Variants in CERS3 observed in about 807,000 individuals in gnomAD.
CERS3 encodes ceramide synthase 3, also known as LAG1 homolog, ceramide synthase 3.
CERS3 carries 33 observed loss-of-function variants against 50.3 expected under a neutral mutation model. The observed-to-expected ratio is 0.66, with a 90% CI of 0.50 to 0.88. The LOEUF is 0.88. CERS3 is among the 40% of genes least tolerant of loss of function. The pLI is 0.00. For synonymous variants in CERS3, 176 were observed against 155.2 expected (o/e 1.13, Z -0.99); for missense variants, 470 against 460.3 (o/e 1.02, Z -0.19).
At chr15:100,502,426 T>A (rs1484013577) in intron 2 of CERS3, among the ~76,000 whole-genome samples, 1 of 152,190 alleles carries the variant, frequency 6.6e-6, no homozygotes, top group Non-Finnish European at 1.5e-5. Flanking sequence ...CTATTCACAC[T>A]TTTGGCAAAA....
At chr15:100,497,535 A>G (rs2142316928) in intron 3 of CERS3, among the ~76,000 whole-genome samples, 1 of 152,040 alleles carries the variant, frequency 6.6e-6, no homozygotes, top group Non-Finnish European at 1.5e-5. Flanking sequence ...GCTCAGTGCT[A>G]TCTCCTCAAG....
chr15:100,447,120 C>T (rs1242868607), intron 11 of CERS3, among the ~76,000 whole-genome samples: 2 of 152,186 alleles, frequency 1.3e-5, no homozygotes, highest in Non-Finnish European at 2.9e-5. Flanking sequence ...CTGGATCTTT[C>T]CTCTGATCCA....
intron 3 of CERS3, among the ~76,000 whole-genome samples, chr15:100,492,450 A>G (rs2035682202): frequency 6.6e-6 from 1 of 152,180 alleles, no homozygotes; most frequent in Non-Finnish European, 1.5e-5. Context: ...TATTATTATA[A>G]AATGTCCTTT....
chr15:100,533,760 C>G (rs62037088), upstream of CERS3, among the ~76,000 whole-genome samples: 81,931 of 151,702 alleles, frequency 0.54, 22,409 homozygotes, highest in South Asian at 0.65. Flanking sequence ...GGGTTTCACC[C>G]TGTTAGCCAG....
intron 2 of CERS3, among the ~76,000 whole-genome samples, chr15:100,514,013 A>T (rs2036426399): frequency 6.6e-6 from 1 of 152,156 alleles, no homozygotes; most frequent in African/African-American, 2.4e-5. Flanking sequence ...CAATACATAT[A>T]CCACAGCGGT....
chr15:100,480,961 T>C (rs1407402345), intron 5 of CERS3, among the ~76,000 whole-genome samples: 1 of 152,202 alleles, frequency 6.6e-6, no homozygotes, highest in East Asian at 1.9e-4. Flanking sequence ...CTTTCTACTT[T>C]AATATATGCT....
intron 11 of CERS3, among the ~76,000 whole-genome samples, chr15:100,405,225 C>A (rs1380711860): frequency 2.7e-5 from 3 of 110,498 alleles, no homozygotes; most frequent in Non-Finnish European, 3.8e-5. Context: ...ACTCTCAAAA[C>A]TCAATGGTAA....
At chr15:100,452,438 A>G (rs2034206660) in intron 11 of CERS3, among the ~76,000 whole-genome samples, 1 of 152,186 alleles carries the variant, frequency 6.6e-6, no homozygotes, top group Non-Finnish European at 1.5e-5. Flanking sequence ...GAGGGAAATC[A>G]AAACATTTCT....
intron 11 of CERS3, among the ~76,000 whole-genome samples, chr15:100,431,127 C>G (rs1244057708): frequency 6.6e-6 from 1 of 152,158 alleles, no homozygotes; most frequent in African/African-American, 2.4e-5. Flanking sequence ...AGACCACAAA[C>G]CCTCTCTGGA....
At chr15:100,423,997 A>T (rs2032646330) in intron 11 of CERS3, among the ~76,000 whole-genome samples, 2 of 148,110 alleles carry the variant, frequency 1.4e-5, no homozygotes, top group East Asian at 2.0e-4. Context: ...GCTGGAGTGC[A>T]ATGGCACCAT....
Position 100,479,527 on chromosome 15 carries a change from C to A in CERS3, c.466-49G>T. On this transcript the variant is annotated intron_variant, in intron 6 of 11. Coordinates refer to ENST00000679737, the MANE Select transcript of CERS3 (RefSeq NM_001378789.1). ...GCCAACAGATGAGAAATAAATTGGT[C>A]GGTGTCAAAGGTCAATTTTGGCAGA... The A allele has an allele frequency of 2.7e-6, 4 of 1,496,228 alleles. No individual in the cohort carries two copies. The South Asian group carries it at 4.8e-5, about 18-fold the overall frequency. The allele number at this position is 1,496,228 out of a possible 1,614,324, so 92.7% of individuals were successfully genotyped here.
At chr15:100,421,347 A>G (rs2032411172) in intron 11 of CERS3, among the ~76,000 whole-genome samples, 3 of 151,664 alleles carry the variant, frequency 2.0e-5, no homozygotes, top group Non-Finnish European at 4.4e-5. Context: ...CTTCAAAGAG[A>G]ATCAAATACC....
chr15:100,439,737 A>G (rs2033594816), intron 11 of CERS3, among the ~76,000 whole-genome samples: 1 of 152,238 alleles, frequency 6.6e-6, no homozygotes, highest in Non-Finnish European at 1.5e-5. Context: ...CTTTGGAGGA[A>G]TAAGCTGATT....
At chr15:100,449,562 C>A (rs530236288) in intron 11 of CERS3, among the ~76,000 whole-genome samples, 1 of 152,330 alleles carries the variant, frequency 6.6e-6, no homozygotes, top group Non-Finnish European at 1.5e-5. Context: ...TTCCCATCCC[C>A]AGCAAAACCT....
At chr15:100,477,419 T>C (rs2035164928) in intron 7 of CERS3, among the ~76,000 whole-genome samples, 1 of 152,112 alleles carries the variant, frequency 6.6e-6, no homozygotes, top group African/African-American at 2.4e-5. Context: ...GACAGGACTA[T>C]ATGAGACTAA....
chr15:100,530,849 G>A (rs550158200), upstream of CERS3, among the ~76,000 whole-genome samples: 5 of 152,272 alleles, frequency 3.3e-5, no homozygotes, highest in South Asian at 2.1e-4. Context: ...TTGGGAGGCC[G>A]AGGTGGGAGG....
At chr15:100,502,322 G>C (rs1250759985) in intron 2 of CERS3, among the ~76,000 whole-genome samples, 2 of 150,106 alleles carry the variant, frequency 1.3e-5, no homozygotes, top group African/African-American at 2.4e-5. Flanking sequence ...ATTATTTAAT[G>C]GATTATATGA....
chr15:100,442,504 A>G (rs1182612235), intron 11 of CERS3, among the ~76,000 whole-genome samples: 2 of 152,142 alleles, frequency 1.3e-5, no homozygotes, highest in Non-Finnish European at 2.9e-5. Context: ...ACTTCCAAAT[A>G]CCTGAACTGC....
upstream of CERS3, among the ~76,000 whole-genome samples, chr15:100,529,946 G>GCTCCAAAGTTTCTCAGATTTCACTAATGA (rs2036897870): frequency 1.3e-5 from 2 of 152,190 alleles, no homozygotes; most frequent in African/African-American, 4.8e-5. Context: ...ATTCATTAAA[G>GCTCCAAAGTTTCTCAGATTTCACTAATGA]CTCCAAAGTT....
Sources: allele counts gnomAD v4.1 joint callset (sites outside exome capture counted in the v4.1 genomes callset), GRCh38; gene constraint gnomAD v4.1.1; transcripts MANE v1.5; gene names NCBI Gene and HGNC (gene_info 2026-07-23, HGNC 2026-07-21).